Variants in DIP2A observed in about 807,000 individuals in gnomAD.
DIP2A encodes DIP2 acetate--CoA ligase A.
A neutral mutation model predicts 177.4 loss-of-function variants in DIP2A; 85 were observed. The observed-to-expected ratio is 0.48, with a 90% CI of 0.40 to 0.57. The LOEUF (loss-of-function observed/expected upper bound fraction) is 0.57. Ranked by LOEUF, DIP2A falls within the 20% of genes least tolerant of loss-of-function variation. The pLI is 0.00. For missense variants in DIP2A, 1,791 were observed against 2,100.2 expected, an observed-to-expected ratio of 0.85 and a Z score of 2.88; for synonymous variants, 886 against 881.8, an observed-to-expected ratio of 1.00 and a Z score of -0.08.
the DIP2A span, among the ~76,000 whole-genome samples, chr21:46,582,584 T>G: frequency 4.6e-5 from 7 of 152,222 alleles, no homozygotes; most frequent in Non-Finnish European, 1.0e-4. Flanking sequence ...ATGGTGCTCC[T>G]GAGTGGTCCA....
chr21:46,540,084 A>G, intron 17 of DIP2A, 93 bp downstream of exon 17: 2 of 1,038,274 alleles, frequency 1.9e-6, no homozygotes, highest in Non-Finnish European at 2.9e-6. Context: ...GCCTGTTAGG[A>G]TCCAGGCCCA....
chr21:46,577,502 G>A, the DIP2A span, among the ~76,000 whole-genome samples: 3 of 152,252 alleles, frequency 2.0e-5, no homozygotes, highest in Non-Finnish European at 2.9e-5. Context: ...GTCTGTTTTT[G>A]TACCAGTACC....
chr21:46,573,638 T>A (rs2060979410), downstream of DIP2A, among the ~76,000 whole-genome samples: 1 of 59,748 alleles, frequency 1.7e-5, no homozygotes. Context: ...AGTAAGACCC[T>A]CTCTCACAAA....
rs1387850995 is a variant in DIP2A, at chr21:46,567,508, C to T, written c.4602C>T (p.Ile1534=). Residue 1534 remains isoleucine, a synonymous_variant, in exon 38 of 38, where the codon ATC becomes ATT. Transcript: ENST00000417564. ...ACCTGGTCGTGGGAGTGGTGGTCAT[C>T]GTGGACCCAGGGGTGATCCCTATCA... ...EHYLVVGVVV[I]VDPGVIPINS... is the part of the protein sequence containing the mutation. 21 of 1,613,790 alleles carry T rather than the reference C, an allele frequency of 1.3e-5. No homozygotes were observed. The highest frequency in any genetic ancestry group is 3.3e-5 in the Admixed American group (2 of 60,002).
At chr21:46,480,417 A>G (rs1350596126) in intron 1 of DIP2A, among the ~76,000 whole-genome samples, 1 of 152,180 alleles carries the variant, frequency 6.6e-6, no homozygotes, top group East Asian at 1.9e-4. Flanking sequence ...CGTGGGGATT[A>G]TTACAATTCA....
At chr21:46,504,511 C>A in intron 6 of DIP2A, 22 bp downstream of exon 6, 1 of 1,587,298 alleles carries the variant, frequency 6.3e-7, no homozygotes. Flanking sequence ...TCTCTTTCTC[C>A]TCGTGAAATA....
intron 37 of DIP2A, 36 bp from the exon 38 acceptor site, chr21:46,567,334 T>C: frequency 1.3e-6 from 2 of 1,591,748 alleles, no homozygotes; most frequent in African/African-American, 1.3e-5. Flanking sequence ...GACCTGTGCC[T>C]GTATCCATGT....
Position 46,531,256 on chromosome 21 carries a change from G to C in DIP2A, c.1195-871G>C, listed in dbSNP as rs140100292. Among the ~76,000 whole-genome samples the C allele has an allele frequency of 2.5e-3, 374 of 152,216 alleles. 2 individuals are homozygous for C. The highest frequency in any genetic ancestry group is 8.2e-3 in the African/African-American group (342 of 41,522). On this transcript the variant is annotated intron_variant, in intron 9 of 37. Coordinates refer to ENST00000417564, the MANE Select transcript of DIP2A (RefSeq NM_015151.4). Reference sequence around the variant, plus strand: ...AGCAGTGGAGTCCTCAGCAGCAGGGGACACTCACGGCTCTCCTGAGTGGGT... The same window carrying C: ...AGCAGTGGAGTCCTCAGCAGCAGGGCACACTCACGGCTCTCCTGAGTGGGT...
At chr21:46,515,889 T>C (rs1397732002) in intron 8 of DIP2A, among the ~76,000 whole-genome samples, 1 of 152,176 alleles carries the variant, frequency 6.6e-6, no homozygotes, top group Non-Finnish European at 1.5e-5. Flanking sequence ...TTATTCTTTC[T>C]TTTACTATAT....
At chr21:46,527,992 G>T (rs1172354001) in intron 8 of DIP2A, among the ~76,000 whole-genome samples, 2 of 152,004 alleles carry the variant, frequency 1.3e-5, no homozygotes, top group African/African-American at 4.8e-5. Flanking sequence ...CTCCCCTATT[G>T]AGTGCTTATG....
At chr21:46,577,263 G>C in the DIP2A span, among the ~76,000 whole-genome samples, 1 of 152,050 alleles carries the variant, frequency 6.6e-6, no homozygotes, top group Non-Finnish European at 1.5e-5. Context: ...TATAGTTTGG[G>C]GTTCTACATT....
intron 5 of DIP2A, among the ~76,000 whole-genome samples, chr21:46,503,883 G>A (rs561802454): frequency 1.3e-5 from 2 of 152,090 alleles, no homozygotes; most frequent in East Asian, 1.9e-4. Flanking sequence ...GTGCCACGAC[G>A]CCCGGCTGAT....
At chr21:46,514,617 C>CTTTTTTTTTTTTT (rs752628688) in intron 8 of DIP2A, among the ~76,000 whole-genome samples, 9 of 70,510 alleles carry the variant, frequency 1.3e-4, no homozygotes, top group African/African-American at 2.2e-4. Flanking sequence ...AACTTTTATT[C>CTTTTTTTTTTTTT]TTTTTTTTTT....
chr21:46,520,018 G>A (rs1326836710), intron 8 of DIP2A, among the ~76,000 whole-genome samples: 4 of 151,660 alleles, frequency 2.6e-5, no homozygotes, highest in Non-Finnish European at 5.9e-5. Flanking sequence ...GGGACTACAG[G>A]CACCCGCCAC....
At chr21:46,476,799 G>T (rs942867053) in intron 1 of DIP2A, among the ~76,000 whole-genome samples, 3 of 151,980 alleles carry the variant, frequency 2.0e-5, no homozygotes, top group African/African-American at 7.2e-5. Flanking sequence ...GAGATTACAG[G>T]TGTGTGCCAC....
chr21:46,533,188 A>C (rs889753794), intron 10 of DIP2A, among the ~76,000 whole-genome samples: 1 of 152,240 alleles, frequency 6.6e-6, no homozygotes, highest in African/African-American at 2.4e-5. Flanking sequence ...AACATGATTC[A>C]ATAGAAATTT....
chr21:46,503,612 CTTTCTTTCTTTCT>C (rs2057792543), intron 5 of DIP2A, among the ~76,000 whole-genome samples: 7 of 79,728 alleles, frequency 8.8e-5, no homozygotes, highest in African/African-American at 1.6e-4. Context: ...TCCTTCCTTC[CTTTCTTTCTTTCT>C]TTCTTTCTTT....
chr21:46,477,841 C>T (rs1029205844), intron 1 of DIP2A, among the ~76,000 whole-genome samples: 4 of 151,922 alleles, frequency 2.6e-5, no homozygotes, highest in African/African-American at 7.2e-5. Flanking sequence ...GCCTTGGCCT[C>T]CCAAAGTGTT....
intron 6 of DIP2A, among the ~76,000 whole-genome samples, chr21:46,505,719 C>T (rs564813847): frequency 5.9e-5 from 9 of 152,322 alleles, no homozygotes; most frequent in Admixed American, 2.6e-4. Context: ...CTCCTCTCTT[C>T]GGATCCTTCT....
Sources: allele counts gnomAD v4.1 joint callset (sites outside exome capture counted in the v4.1 genomes callset), GRCh38; gene constraint gnomAD v4.1.1; transcripts MANE v1.5; gene names NCBI Gene and HGNC (gene_info 2026-07-23, HGNC 2026-07-21).